RAB3GAP1: variants seen among roughly 807,000 people sequenced by gnomAD.
RAB3GAP1 encodes the protein rab3 GTPase-activating protein catalytic subunit.
A neutral mutation model predicts 130.7 loss-of-function variants in RAB3GAP1; 86 were observed. The ratio of observed to expected loss-of-function variants is 0.66; its 90% CI spans 0.55 to 0.79. The LOEUF is 0.79. Among genes scored for constraint, RAB3GAP1 ranks in the 30% least tolerant of loss-of-function variants. RAB3GAP1 has a pLI of 0.00. For synonymous variants in RAB3GAP1, 367 were observed against 401.7 expected (o/e 0.91, Z 1.03); for missense variants, 1,029 against 1,169.4 (o/e 0.88, Z 1.75).
At chr2:135,108,876 T>C (rs1690709555) in intron 5 of RAB3GAP1, among the ~76,000 whole-genome samples, 1 of 152,216 alleles carries the variant, frequency 6.6e-6, no homozygotes, top group Non-Finnish European at 1.5e-5. Flanking sequence ...ATGTAAAGCC[T>C]ATCTAGATTA....
At chr2:135,083,551 C>G (rs1689888251) in intron 3 of RAB3GAP1, among the ~76,000 whole-genome samples, 1 of 152,022 alleles carries the variant, frequency 6.6e-6, no homozygotes, top group African/African-American at 2.4e-5. Flanking sequence ...ACCTCAAACT[C>G]CTGGGTCTCA....
At chr2:135,064,929 T>G (rs569550851) in intron 3 of RAB3GAP1, among the ~76,000 whole-genome samples, 1 of 150,782 alleles carries the variant, frequency 6.6e-6, no homozygotes, top group Non-Finnish European at 1.5e-5. Flanking sequence ...TTTTTTTTTT[T>G]GGTTGTAGAG....
chr2:135,169,243 C>A lies in RAB3GAP1; in HGVS notation c.*462C>A. The A allele has an allele frequency of 4.2e-6, 1 of 237,388 alleles. No individual in the cohort carries two copies. Among genetic ancestry groups the A allele is most frequent in the Non-Finnish European group, 8.4e-6 (1 of 119,048 alleles). The allele number at this position is 237,388 out of a possible 1,614,324, so 14.7% of individuals were successfully genotyped here. A position where few individuals can be genotyped will look rare whatever the true frequency, so the allele number is the denominator to read the frequency against. On this transcript the variant is annotated 3_prime_UTR_variant, in exon 24 of 24. Transcript: ENST00000264158. ...ATATTTTGGTGGTAGCTTCTAGTCC[C>A]AGAATCTGTGTTTTTAAAATACTAC...
In RAB3GAP1 at chr2:135,142,494, A is replaced by C. The variant is rs569594842; in HGVS notation, c.1923+6562A>C. Reference sequence around the variant, plus strand: ...AAGATGATTTGAATTCTGATTTTGCAATCTTTATGCTTTTGAATTACTTTT... The same window carrying C: ...AAGATGATTTGAATTCTGATTTTGCCATCTTTATGCTTTTGAATTACTTTT... On this transcript the variant is annotated intron_variant, in intron 17 of 23. Coordinates refer to ENST00000264158, the MANE Select transcript of RAB3GAP1 (RefSeq NM_012233.3). Among the ~76,000 whole-genome samples, 7 of 152,266 alleles carry C rather than the reference A, an allele frequency of 4.6e-5. No individual in the cohort carries two copies. The East Asian group carries it at 1.3e-3, about 29-fold the overall frequency.
At chr2:135,059,800 T>C (rs554569953) in intron 3 of RAB3GAP1, among the ~76,000 whole-genome samples, 1 of 152,292 alleles carries the variant, frequency 6.6e-6, no homozygotes, top group Non-Finnish European at 1.5e-5. Flanking sequence ...AATGAAGTCA[T>C]AGCTCCAGTC....
rs1161249142 is a variant in RAB3GAP1 at position 135,148,124 on chromosome 2, G to C, written c.1924-2245G>C. ...TATATTTTGCCTTTAGGTAAATCTA[G>C]GCAAAATTTTAGTCCATTTTACTTT... On this transcript the variant is annotated intron_variant, in intron 17 of 23. Transcript: ENST00000264158. Among the ~76,000 whole-genome samples the C allele has an allele frequency of 2.6e-5, 4 of 151,864 alleles. No homozygotes were observed. The East Asian group carries it at 5.8e-4, about 22-fold the overall frequency.
intron 3 of RAB3GAP1, among the ~76,000 whole-genome samples, chr2:135,085,888 A>G (rs897045738): frequency 1.3e-5 from 2 of 152,228 alleles, no homozygotes; most frequent in Non-Finnish European, 2.9e-5. Context: ...ATCAAAATGT[A>G]GAACATTTTT....
chr2:135,060,176 C>T (rs1197093182), intron 3 of RAB3GAP1, among the ~76,000 whole-genome samples: 2 of 151,794 alleles, frequency 1.3e-5, no homozygotes, highest in Admixed American at 1.3e-4. Context: ...GTTTACTCCC[C>T]TACCTCCACT....
At chr2:135,130,803 A>G in intron 13 of RAB3GAP1, 82 bp downstream of exon 13, 1 of 1,321,970 alleles carries the variant, frequency 7.6e-7, no homozygotes, top group Non-Finnish European at 1.1e-6. Context: ...TGTGGTAGGC[A>G]GTGACCTTGG....
At chr2:135,098,567 C>T (rs967471271) in intron 5 of RAB3GAP1, among the ~76,000 whole-genome samples, 1 of 152,090 alleles carries the variant, frequency 6.6e-6, no homozygotes, top group African/African-American at 2.4e-5. Flanking sequence ...GTGAAAGCAG[C>T]TGTTTATGGA....
intron 3 of RAB3GAP1, among the ~76,000 whole-genome samples, chr2:135,072,715 AC>A (rs1434031942): frequency 6.6e-6 from 1 of 152,218 alleles, no homozygotes; most frequent in Non-Finnish European, 1.5e-5. Flanking sequence ...AAATTACCAT[AC>A]AAGATCCTTT....
chr2:135,126,732 C>G (rs763511614), intron 11 of RAB3GAP1, 76 bp downstream of exon 11: 1 of 1,241,042 alleles, frequency 8.1e-7, no homozygotes, highest in Non-Finnish European at 1.2e-6. Flanking sequence ...TGCATACATT[C>G]TTTATACTTT....
intron 19 of RAB3GAP1, among the ~76,000 whole-genome samples, chr2:135,159,204 C>T (rs1007722307): frequency 6.6e-6 from 1 of 152,206 alleles, no homozygotes; most frequent in East Asian, 1.9e-4. Context: ...AGATACTCCA[C>T]CCTCAAGGAG....
intron 14 of RAB3GAP1, 37 bp from the exon 15 acceptor site, chr2:135,133,824 T>G (rs375561295): frequency 6.3e-7 from 1 of 1,585,704 alleles, no homozygotes; most frequent in African/African-American, 1.3e-5. Flanking sequence ...AATATTTTGG[T>G]AACAAGTTTG....
intron 7 of RAB3GAP1, among the ~76,000 whole-genome samples, chr2:135,119,548 C>T (rs561301984): frequency 6.6e-6 from 1 of 152,284 alleles, no homozygotes; most frequent in African/African-American, 2.4e-5. Flanking sequence ...GATATCTGGA[C>T]ATGACTAAAA....
At chr2:135,073,763 A>G (rs1689544793) in intron 3 of RAB3GAP1, among the ~76,000 whole-genome samples, 1 of 152,216 alleles carries the variant, frequency 6.6e-6, no homozygotes, top group South Asian at 2.1e-4. Flanking sequence ...CAGCCATGCT[A>G]AAAGAAAATT....
chr2:135,052,431 C>T lies in RAB3GAP1; in HGVS notation c.20C>T (p.Pro7Leu). The change falls in exon 2 of 24, where the codon CCC becomes CTC. Residue 7 changes from proline to leucine, a missense_variant and splice_region_variant. Pro to Leu is a moderately conservative substitution (Grantham distance 98). Coordinates refer to ENST00000264158, the MANE Select transcript of RAB3GAP1 (RefSeq NM_012233.3). MAADSE[P>L]ESEVFEITDF... ...TTTCTCTCCTTCCCCTTCCCGCAGC[C>T]CGAATCCGAGGTATTTGAGATCACG... The T allele has an allele frequency of 6.2e-7, 1 of 1,614,146 alleles. No homozygotes were observed. Among genetic ancestry groups the T allele is most frequent in the Non-Finnish European group, 8.5e-7 (1 of 1,180,044 alleles).
At chr2:135,110,895 G>A (rs529667447) in intron 5 of RAB3GAP1, among the ~76,000 whole-genome samples, 2 of 152,278 alleles carry the variant, frequency 1.3e-5, no homozygotes, top group Non-Finnish European at 2.9e-5. Flanking sequence ...CCAAGAAACT[G>A]TTGACAGTGA....
intron 3 of RAB3GAP1, among the ~76,000 whole-genome samples, chr2:135,062,586 CTG>C (rs1689207542): frequency 1.3e-5 from 2 of 152,274 alleles, no homozygotes; most frequent in African/African-American, 4.8e-5. Context: ...TATGCTGAGA[CTG>C]TAATTGGGGT....
Sources: gnomAD v4.1 joint callset for allele counts (sites outside exome capture counted in the v4.1 genomes callset) on GRCh38, gnomAD v4.1.1 for gene constraint, MANE v1.5 for transcripts, NCBI Gene and HGNC (gene_info 2026-07-23, HGNC 2026-07-21) for gene names.